Variants in MINDY2 observed in about 807,000 individuals in gnomAD.
The protein encoded by MINDY2 is MINDY lysine 48 deubiquitinase 2.
A neutral mutation model predicts 68.2 loss-of-function variants in MINDY2; 52 were observed. The ratio of observed to expected loss-of-function variants is 0.76; its 90% CI spans 0.61 to 0.96. MINDY2 has a LOEUF of 0.96. Ranked by LOEUF, MINDY2 falls within the 40% of genes least tolerant of loss-of-function variation. The pLI is 0.00. For synonymous variants in MINDY2, 372 were observed against 303.0 expected, an observed-to-expected ratio of 1.23 and a Z score of -2.36; for missense variants, 881 against 773.4, an observed-to-expected ratio of 1.14 and a Z score of -1.65.
intron 6 of MINDY2, among the ~76,000 whole-genome samples, chr15:58,846,340 TC>T (rs1168995193): frequency 6.6e-6 from 1 of 152,124 alleles, no homozygotes. Context: ...ACGCCTGTAA[TC>T]CCAGCACTTT....
rs182790173 is a variant in MINDY2 at position 58,846,809 on chromosome 15, T to G, written c.1369-488T>G. On this transcript the variant is annotated intron_variant, in intron 6 of 8. Coordinates refer to ENST00000559228, the MANE Select transcript of MINDY2 (RefSeq NM_001040450.3). ...TTATTGGTATACAAAAGAAGTACACTGATAATACAAACTAGGTACAAAGTA... is the reference window on the plus strand; with the variant it reads ...TTATTGGTATACAAAAGAAGTACACGGATAATACAAACTAGGTACAAAGTA... 1.7e-4 allele frequency among the ~76,000 whole-genome samples: 26 copies of G among 152,188 alleles called. No individual in the cohort carries two copies. In the East Asian group the frequency reaches 4.8e-3, roughly 28 times the overall value.
intron 2 of MINDY2, among the ~76,000 whole-genome samples, chr15:58,792,542 G>A (rs748112852): frequency 5.9e-5 from 9 of 152,118 alleles, no homozygotes; most frequent in Non-Finnish European, 7.3e-5. Context: ...GGAGGCGGAC[G>A]TTGCAGTGAG....
At position 58,771,350 on chromosome 15, in the gene MINDY2, G is replaced by A; in HGVS notation, c.-46G>A. On this transcript the variant is annotated 5_prime_UTR_variant, in exon 1 of 9. Coordinates refer to ENST00000559228, the MANE Select transcript of MINDY2 (RefSeq NM_001040450.3). Reference sequence around the variant, plus strand: ...CATGGCGTCCAAGGCGCTGGCTGCGGAGAAGTGGCCGCGGTCTCCATAGAG... The same window carrying A: ...CATGGCGTCCAAGGCGCTGGCTGCGAAGAAGTGGCCGCGGTCTCCATAGAG... The A allele has an allele frequency of 1.3e-6, 2 of 1,565,880 alleles. No homozygotes were observed. The highest frequency in any genetic ancestry group is 8.6e-7 in the Non-Finnish European group (1 of 1,158,548).
chr15:58,796,217 T>A (rs1355406719), intron 2 of MINDY2: 1 of 447,538 alleles, frequency 2.2e-6, no homozygotes, highest in African/African-American at 2.0e-5. Flanking sequence ...GTATCCGGCT[T>A]TGAAGCATAG....
intron 4 of MINDY2, among the ~76,000 whole-genome samples, chr15:58,821,200 T>C (rs1337322237): frequency 5.9e-5 from 9 of 151,764 alleles, no homozygotes; most frequent in Non-Finnish European, 1.3e-4. Flanking sequence ...ATAACATTAG[T>C]TATCTCTACT....
At chr15:58,814,349 T>C (rs1270487154) in intron 4 of MINDY2, among the ~76,000 whole-genome samples, 1 of 152,116 alleles carries the variant, frequency 6.6e-6, no homozygotes, top group African/African-American at 2.4e-5. Flanking sequence ...TTGCCCACTT[T>C]CTAATTAGAT....
intron 4 of MINDY2, among the ~76,000 whole-genome samples, chr15:58,817,245 A>G (rs111648865): frequency 0.035 from 5,263 of 152,294 alleles, 97 homozygotes; most frequent in African/African-American, 0.053. Context: ...AGAAAGTAGG[A>G]GCTCCTACAG....
intron 5 of MINDY2, among the ~76,000 whole-genome samples, chr15:58,822,853 A>T (rs1298362917): frequency 6.6e-6 from 1 of 152,208 alleles, no homozygotes; most frequent in African/African-American, 2.4e-5. Context: ...AAGAGAAATC[A>T]TGAGAAGTAG....
At chr15:58,797,025 G>A (rs1361002333) in intron 2 of MINDY2, among the ~76,000 whole-genome samples, 1 of 152,054 alleles carries the variant, frequency 6.6e-6, no homozygotes. Context: ...AACCTGCACT[G>A]AAGAATATAG....
chr15:58,804,698 T>C (rs1440180603), intron 3 of MINDY2, among the ~76,000 whole-genome samples: 4 of 151,958 alleles, frequency 2.6e-5, no homozygotes, highest in Non-Finnish European at 4.4e-5. Context: ...TCCCAGCTAC[T>C]TGGGAGGCTG....
chr15:58,819,450 C>G (rs758789078), intron 4 of MINDY2, among the ~76,000 whole-genome samples: 1 of 152,100 alleles, frequency 6.6e-6, no homozygotes, highest in Non-Finnish European at 1.5e-5. Context: ...CCAGATCACA[C>G]CACTGCACTC....
At chr15:58,785,023 A>G (rs1901393326) in intron 1 of MINDY2, among the ~76,000 whole-genome samples, 1 of 151,530 alleles carries the variant, frequency 6.6e-6, no homozygotes, top group African/African-American at 2.4e-5. Flanking sequence ...CAACTATCTC[A>G]TAACCTGTTT....
chr15:58,812,702 TA>T (rs1415789225), intron 4 of MINDY2, among the ~76,000 whole-genome samples: 49 of 151,912 alleles, frequency 3.2e-4, no homozygotes, highest in African/African-American at 1.1e-3. Flanking sequence ...TCTACAAAAA[TA>T]AAAAATTAGC....
chr15:58,841,710 G>T (rs1296642837), intron 6 of MINDY2, among the ~76,000 whole-genome samples: 1 of 152,118 alleles, frequency 6.6e-6, no homozygotes, highest in African/African-American at 2.4e-5. Context: ...CGGCTGATCT[G>T]TGCTTTTCAA....
intron 5 of MINDY2, among the ~76,000 whole-genome samples, chr15:58,828,175 A>G (rs546284329): frequency 5.3e-4 from 80 of 152,192 alleles, no homozygotes; most frequent in Middle Eastern, 3.4e-3. Flanking sequence ...AAAAAATCAT[A>G]TGAGCTTTTA....
chr15:58,796,655 C>G (rs1452842821), intron 2 of MINDY2, among the ~76,000 whole-genome samples: 1 of 152,146 alleles, frequency 6.6e-6, no homozygotes. Flanking sequence ...TCCTGAGTAG[C>G]TGGGATTATA....
In MINDY2 at chr15:58,855,058, G is replaced by C. The variant is rs1185660939; in HGVS notation, c.*448G>C. On this transcript the variant is annotated 3_prime_UTR_variant, in exon 9 of 9. Coordinates refer to ENST00000559228, the MANE Select transcript of MINDY2 (RefSeq NM_001040450.3). ...TGTTAAATTATGATCTAATTCATGA[G>C]AAACCACGGGTTTAACATAGGGATT... 1 of 153,388 alleles carries C rather than the reference G, an allele frequency of 6.5e-6. No homozygotes were observed. Among genetic ancestry groups the C allele is most frequent in the Non-Finnish European group, 1.5e-5 (1 of 68,568 alleles). 9.5% of individuals were successfully genotyped at this position (153,388 alleles called of 1,614,324 possible).
intron 6 of MINDY2, among the ~76,000 whole-genome samples, chr15:58,845,848 G>A (rs546742743): frequency 1.3e-5 from 2 of 152,130 alleles, no homozygotes; most frequent in Admixed American, 6.5e-5. Context: ...CATACACAAC[G>A]GAGCACTATT....
rs536257098 is a variant in MINDY2 at position 58,804,722 on chromosome 15, G to T, written c.963+2345G>T. Among the ~76,000 whole-genome samples the T allele has an allele frequency of 4.6e-5, 7 of 152,020 alleles. No individual in the cohort carries two copies. The South Asian group carries it at 6.2e-4, about 14-fold the overall frequency. ...CTTGGGAGGCTGAGGTCAGAGGATC[G>T]CTTGAGCCCAGGAGGCAGAGGTTGC... On this transcript the variant is annotated intron_variant, in intron 3 of 8. Transcript: ENST00000559228.
Sources: allele counts gnomAD v4.1 joint callset (sites outside exome capture counted in the v4.1 genomes callset), GRCh38; gene constraint gnomAD v4.1.1; transcripts MANE v1.5; gene names NCBI Gene and HGNC (gene_info 2026-07-23, HGNC 2026-07-21).